HIF1A: variants seen among roughly 807,000 people sequenced by gnomAD.
The protein encoded by HIF1A is hypoxia inducible factor 1 subunit alpha.
In HIF1A, 24 loss-of-function variants were observed where a neutral mutation model predicts 92.7. The ratio of observed to expected loss-of-function variants is 0.26; its 90% CI spans 0.19 to 0.36. The LOEUF is 0.36. HIF1A is among the 10% of genes least tolerant of loss of function. The pLI, the probability that HIF1A is intolerant of heterozygous loss-of-function variation, is 1.00. For missense variants in HIF1A, 799 were observed against 998.5 expected, an observed-to-expected ratio of 0.80 and a Z score of 2.69; for synonymous variants, 319 against 338.7, an observed-to-expected ratio of 0.94 and a Z score of 0.64.
intron 1 of HIF1A, among the ~76,000 whole-genome samples, chr14:61,707,653 T>A (rs2140123689): frequency 6.6e-6 from 1 of 151,968 alleles, no homozygotes; most frequent in Admixed American, 6.5e-5. Flanking sequence ...TTTTTATGGC[T>A]GAATAGTATT....
intron 12 of HIF1A, among the ~76,000 whole-genome samples, chr14:61,742,614 A>T (rs776600267): frequency 2.0e-5 from 3 of 152,098 alleles, no homozygotes; most frequent in Non-Finnish European, 4.4e-5. Context: ...GGCAGGGCGC[A>T]GTGGCTCATC....
intron 12 of HIF1A, 69 bp downstream of exon 12, chr14:61,741,257 T>C: frequency 8.8e-7 from 1 of 1,142,346 alleles, no homozygotes; most frequent in African/African-American, 1.6e-5. Flanking sequence ...TGATAGTACA[T>C]GATTTTTAAA....
intron 6 of HIF1A, among the ~76,000 whole-genome samples, chr14:61,728,328 A>G (rs2044533485): frequency 6.6e-6 from 1 of 152,190 alleles, no homozygotes. Context: ...TTCATCCTAC[A>G]TATTTTCCCT....
intron 1 of HIF1A, among the ~76,000 whole-genome samples, chr14:61,716,395 A>C (rs2044364267): frequency 6.6e-6 from 1 of 152,232 alleles, no homozygotes; most frequent in Non-Finnish European, 1.5e-5. Flanking sequence ...CTTCAAGGCC[A>C]GAAAGAGTTA....
chr14:61,714,618 T>C (rs1188973777), intron 1 of HIF1A, among the ~76,000 whole-genome samples: 2 of 151,676 alleles, frequency 1.3e-5, no homozygotes, highest in African/African-American at 2.4e-5. Context: ...GACTGCATCA[T>C]TATAGTATGT....
At chr14:61,701,919 C>T (rs1469929066) in intron 1 of HIF1A, among the ~76,000 whole-genome samples, 5 of 151,898 alleles carry the variant, frequency 3.3e-5, no homozygotes, top group African/African-American at 7.3e-5. Flanking sequence ...ACCTGGGAGG[C>T]GGAGGTTGCG....
chr14:61,722,851 A>G (rs2044450533), intron 4 of HIF1A, among the ~76,000 whole-genome samples: 1 of 152,250 alleles, frequency 6.6e-6, no homozygotes, highest in Non-Finnish European at 1.5e-5. Context: ...TTTTTTGGAA[A>G]CTACCTCTTG....
intron 2 of HIF1A, 35 bp from the exon 3 acceptor site, chr14:61,721,474 A>G (rs1392949426): frequency 6.4e-7 from 1 of 1,563,926 alleles, no homozygotes; most frequent in East Asian, 2.2e-5. Flanking sequence ...ACAACTTTTT[A>G]ACTAATTATT....
chr14:61,740,315 T>C (rs2044694369), intron 10 of HIF1A, 190 bp from the exon 11 acceptor site: 1 of 416,742 alleles, frequency 2.4e-6, no homozygotes, highest in African/African-American at 2.0e-5. Context: ...TCCCTCCACC[T>C]TGGCTTCCCA....
intron 1 of HIF1A, among the ~76,000 whole-genome samples, chr14:61,701,948 A>C (rs1448827309): frequency 7.2e-5 from 11 of 152,040 alleles, no homozygotes; most frequent in Admixed American, 7.2e-4. Context: ...AGATCGCCCC[A>C]TTGCACTCCA....
chr14:61,721,446 ATAT>A, intron 2 of HIF1A, 60 bp from the exon 3 acceptor site: 1 of 1,385,500 alleles, frequency 7.2e-7, no homozygotes, highest in Non-Finnish European at 1.0e-6. Flanking sequence ...AAACATCTAA[ATAT>A]TATATCATTT....
At chr14:61,717,284 A>C (rs1214052402) in intron 1 of HIF1A, among the ~76,000 whole-genome samples, 2 of 152,188 alleles carry the variant, frequency 1.3e-5, no homozygotes, top group Non-Finnish European at 2.9e-5. Flanking sequence ...TAAATGCTGA[A>C]ACTCACAAGA....
At chr14:61,704,362 T>A (rs2044212174) in intron 1 of HIF1A, among the ~76,000 whole-genome samples, 1 of 152,156 alleles carries the variant, frequency 6.6e-6, no homozygotes, top group Non-Finnish European at 1.5e-5. Flanking sequence ...CATCTGGCCT[T>A]TGCAGACTAA....
rs190333300 is a variant in HIF1A, at chr14:61,699,655, G to A, written c.35+3816G>A. Among the ~76,000 whole-genome samples, 5 of 152,072 alleles carry A rather than the reference G, an allele frequency of 3.3e-5. No individual in the cohort carries two copies. The East Asian group carries it at 9.6e-4, about 29-fold the overall frequency. The stretch of plus-strand genomic sequence containing the variant: ...TTAACATAAGTCTGTTTCTTAACCA[G>A]GATAAAAAAATCTAAATTTAAATGT... On this transcript the variant is annotated intron_variant, in intron 1 of 14. Coordinates refer to ENST00000337138, the MANE Select transcript of HIF1A (RefSeq NM_001530.4).
At chr14:61,704,379 G>C (rs2044212524) in intron 1 of HIF1A, among the ~76,000 whole-genome samples, 1 of 152,050 alleles carries the variant, frequency 6.6e-6, no homozygotes, top group African/African-American at 2.4e-5. Flanking sequence ...CTAAATACTG[G>C]TTTATGTATA....
At chr14:61,743,804 A>C (rs915406914) in intron 12 of HIF1A, among the ~76,000 whole-genome samples, 2 of 152,234 alleles carry the variant, frequency 1.3e-5, no homozygotes, top group African/African-American at 2.4e-5. Context: ...TTCATGTTTG[A>C]TAACCAGATC....
chr14:61,745,635 GTTGT>G lies in HIF1A; in HGVS notation c.2203-53_2203-50del, dbSNP rs551902278. 6.9e-5 allele frequency: 103 copies of G among 1,485,530 alleles called. No homozygotes were observed. In the African/African-American group the frequency reaches 1.2e-3, roughly 18 times the overall value. 92.0% of individuals were successfully genotyped at this position (1,485,530 alleles called of 1,614,324 possible). The stretch of plus-strand genomic sequence containing the variant: ...ATTTACACCAATTTCAAGGTTTTTG[GTTGT>G]TTAAAAAAAAAATTCAACAAACTAA... On this transcript the variant is annotated intron_variant, in intron 13 of 14. Transcript: ENST00000337138.
chr14:61,705,851 T>G (rs1184150113), intron 1 of HIF1A, among the ~76,000 whole-genome samples: 4 of 152,176 alleles, frequency 2.6e-5, no homozygotes, highest in Admixed American at 2.6e-4. Context: ...AGCTGCTCCT[T>G]TGTCATTTCC....
intron 4 of HIF1A, among the ~76,000 whole-genome samples, chr14:61,726,250 ATTTG>A (rs2044502610): frequency 6.6e-6 from 1 of 152,102 alleles, no homozygotes; most frequent in African/African-American, 2.4e-5. Context: ...TAAAAATGTT[ATTTG>A]TTATTAAAAA....
Sources: allele counts gnomAD v4.1 joint callset (sites outside exome capture counted in the v4.1 genomes callset), GRCh38; gene constraint gnomAD v4.1.1; transcripts MANE v1.5; gene names NCBI Gene and HGNC (gene_info 2026-07-23, HGNC 2026-07-21).